The following MTMR3 variants were observed in gnomAD, a reference collection of about 807,000 sequenced individuals.
MTMR3 encodes phosphatidylinositol-3,5-bisphosphate 3-phosphatase MTMR3.
Under a neutral mutation model 132.4 loss-of-function variants are expected in MTMR3, and 32 were observed. That is an observed-to-expected ratio of 0.24 (90% CI 0.18 to 0.32). The LOEUF (loss-of-function observed/expected upper bound fraction) is 0.32. MTMR3 is among the 10% of genes least tolerant of loss of function. The probability of loss-of-function intolerance (pLI) is 1.00; values close to 1 mark genes in which losing one functional copy is unlikely to be tolerated. For missense variants in MTMR3, 1,216 were observed against 1,489.6 expected, an observed-to-expected ratio of 0.82 and a Z score of 3.02; for synonymous variants, 556 against 550.3, an observed-to-expected ratio of 1.01 and a Z score of -0.14.
chr22:29,939,680 C>T (rs921670924), intron 1 of MTMR3, among the ~76,000 whole-genome samples: 3 of 152,042 alleles, frequency 2.0e-5, no homozygotes, highest in Admixed American at 6.5e-5. Context: ...CCGTAATTGG[C>T]GTAGACTTTC....
Position 30,020,329 on chromosome 22 carries a change from C to T in MTMR3, c.2670C>T (p.Val890=), listed in dbSNP as rs759270244. 9.3e-6 allele frequency: 15 copies of T among 1,614,056 alleles called. No individual in the cohort carries two copies. Among genetic ancestry groups the T allele is most frequent in the African/African-American group, 2.7e-5 (2 of 74,906 alleles). Residue 890 remains valine (V), a synonymous_variant, in exon 17 of 20, where the codon GTC becomes GTT. Coordinates refer to ENST00000401950, the MANE Select transcript of MTMR3 (RefSeq NM_021090.4). The part of the protein sequence containing the change: ...MEPSPSETSL[V]ERPQVGSVVH... ...CCAGCCCTTCAGAGACAAGCCTGGTCGAGAGGCCCCAAGTGGGGTCTGTGG... is the reference window on the plus strand; with the variant it reads ...CCAGCCCTTCAGAGACAAGCCTGGTTGAGAGGCCCCAAGTGGGGTCTGTGG...
At chr22:29,958,360 C>T (rs1194458570) in intron 2 of MTMR3, among the ~76,000 whole-genome samples, 1 of 152,096 alleles carries the variant, frequency 6.6e-6, no homozygotes, top group African/African-American at 2.4e-5. Context: ...GGAACTGTTG[C>T]CTTGCTATTG....
At chr22:30,025,531 A>G in intron 19 of MTMR3, 99 bp from the exon 20 acceptor site, 1 of 1,290,970 alleles carries the variant, frequency 7.7e-7, no homozygotes, top group Non-Finnish European at 1.1e-6. Context: ...GCTCCAGCAC[A>G]TGCAAATTAC....
chr22:29,936,871 A>T (rs1263023176), intron 1 of MTMR3, among the ~76,000 whole-genome samples: 1 of 152,186 alleles, frequency 6.6e-6, no homozygotes, highest in Non-Finnish European at 1.5e-5. Context: ...TAGTAATATT[A>T]AAAAATATGG....
chr22:30,002,668 T>C (rs1337343035), intron 8 of MTMR3: 1 of 490,606 alleles, frequency 2.0e-6, no homozygotes, highest in African/African-American at 1.9e-5. Flanking sequence ...AGTAAACATT[T>C]AAGGCAACAA....
Position 30,020,049 on chromosome 22 carries a change from G to T in MTMR3, c.2390G>T (p.Arg797Leu), listed in dbSNP as rs144458612. The T allele has an allele frequency of 1.9e-6, 3 of 1,614,156 alleles. No homozygotes were observed. The highest frequency in any genetic ancestry group is 1.3e-5 in the African/African-American group (1 of 75,048). ...CTGGAGGTCCCTGTGGAGCAGTTTCGAATAGAAGAGATTGCAGAGGGTAGG... is the reference window on the plus strand; with the variant it reads ...CTGGAGGTCCCTGTGGAGCAGTTTCTAATAGAAGAGATTGCAGAGGGTAGG... ...DSLEVPVEQFRIEEIAEGREE... is the reference protein window; with the variant it reads ...DSLEVPVEQFLIEEIAEGREE... Residue 797 changes from arginine (R) to leucine (L), a missense_variant, in exon 17 of 20, where the codon CGA (arginine) becomes CTA (leucine). Arg to Leu is a moderately radical substitution (Grantham distance 102). This residue lies in a region of MTMR3 where 852 missense variants were observed against 852.0 expected (regional missense o/e 1.00). Transcript: ENST00000401950.
chr22:29,885,772 A>C (rs780918899), intron 1 of MTMR3, among the ~76,000 whole-genome samples: 3 of 152,232 alleles, frequency 2.0e-5, no homozygotes, highest in Non-Finnish European at 2.9e-5. Context: ...GAGGAGTGGT[A>C]AAGTCAGTTT....
At chr22:29,924,484 A>G (rs572989592) in intron 1 of MTMR3, among the ~76,000 whole-genome samples, 1 of 152,236 alleles carries the variant, frequency 6.6e-6, no homozygotes, top group Non-Finnish European at 1.5e-5. Context: ...TAAGTTTTGC[A>G]GTCAGTTAGT....
At chr22:29,978,141 T>C (rs2066666164) in intron 3 of MTMR3, 1 of 237,658 alleles carries the variant, frequency 4.2e-6, no homozygotes, top group African/African-American at 2.2e-5. Context: ...CACCACTGCC[T>C]GGGTGATAGT....
chr22:30,016,729 C>A lies in MTMR3; in HGVS notation c.1674+31C>A. 4 of 1,582,608 alleles carry A rather than the reference C, an allele frequency of 2.5e-6. No individual in the cohort carries two copies. In the South Asian group the frequency reaches 4.6e-5, roughly 18 times the overall value. On this transcript the variant is annotated intron_variant, in intron 15 of 19. Coordinates refer to ENST00000401950, the MANE Select transcript of MTMR3 (RefSeq NM_021090.4). The stretch of plus-strand genomic sequence containing the variant: ...TATCCTTCAGCCTTTCCACTGTGGT[C>A]AGCAGAAGGAATTTGGGGTTGGTTA...
intron 1 of MTMR3, among the ~76,000 whole-genome samples, chr22:29,909,931 G>A (rs372671306): frequency 2.6e-3 from 392 of 151,104 alleles, no homozygotes; most frequent in African/African-American, 9.1e-3. Context: ...CGAGGCGGGC[G>A]GATCATGAGA....
intron 14 of MTMR3, chr22:30,016,309 G>A: frequency 1.9e-6 from 1 of 513,294 alleles, no homozygotes; most frequent in Non-Finnish European, 3.5e-6. Context: ...GAAGCTAAGA[G>A]GAATAGGGGC....
chr22:29,926,294 T>C (rs1321378689), intron 1 of MTMR3, among the ~76,000 whole-genome samples: 1 of 152,204 alleles, frequency 6.6e-6, no homozygotes, highest in Non-Finnish European at 1.5e-5. Flanking sequence ...CATCCGTCAG[T>C]GATCATTTGG....
intron 2 of MTMR3, among the ~76,000 whole-genome samples, chr22:29,962,019 A>G (rs939751218): frequency 2.0e-5 from 3 of 152,230 alleles, no homozygotes; most frequent in Admixed American, 6.5e-5. Context: ...GTTTGTATAA[A>G]TACCTCTGTG....
intron 1 of MTMR3, among the ~76,000 whole-genome samples, chr22:29,938,528 TAG>T (rs147619846): frequency 6.6e-6 from 1 of 152,348 alleles, no homozygotes; most frequent in African/African-American, 2.4e-5. Context: ...TGGAATCATA[TAG>T]AGAGAAATTT....
At chr22:29,903,395 T>C (rs1272403398) in intron 1 of MTMR3, among the ~76,000 whole-genome samples, 2 of 145,988 alleles carry the variant, frequency 1.4e-5, no homozygotes, top group African/African-American at 5.0e-5. Context: ...TCTTTCTTTT[T>C]TTTTTTTTTT....
chr22:30,020,139 C>G lies in MTMR3; in HGVS notation c.2480C>G (p.Ser827Cys). ...GGCTATGGTACCTCACAGTCATGTT[C>G]TCTGCTACCTTCCCAAGTCCCTTTT... ...KVGYGTSQSC[S>C]LLPSQVPFET... The change falls in exon 17 of 20, where the codon TCT becomes TGT. Residue 827 changes from serine to cysteine, a missense_variant. Transcript: ENST00000401950. 6.2e-7 allele frequency: 1 copy of G among 1,614,208 alleles called. No individual in the cohort carries two copies. The highest frequency in any genetic ancestry group is 8.5e-7 in the Non-Finnish European group (1 of 1,180,050).
chr22:29,961,552 C>G (rs150502657), intron 2 of MTMR3, among the ~76,000 whole-genome samples: 1,781 of 152,100 alleles, frequency 0.012, 20 homozygotes, highest in Non-Finnish European at 0.017. Context: ...AGCAACAGAC[C>G]CAAGATACGA....
chr22:29,952,608 G>T (rs2066105691), intron 1 of MTMR3, among the ~76,000 whole-genome samples: 1 of 152,108 alleles, frequency 6.6e-6, no homozygotes, highest in Non-Finnish European at 1.5e-5. Context: ...ACTTTGTTTT[G>T]TTCATTGCTG....
Sources: allele counts gnomAD v4.1 joint callset (sites outside exome capture counted in the v4.1 genomes callset), GRCh38; gene constraint gnomAD v4.1.1; regional missense constraint gnomAD v4.1.1; transcripts MANE v1.5; gene names NCBI Gene and HGNC (gene_info 2026-07-23, HGNC 2026-07-21).